MTIF2: variants seen among roughly 807,000 people sequenced by gnomAD.
The protein encoded by MTIF2 is translation initiation factor IF-2, mitochondrial.
MTIF2 carries 71 observed loss-of-function variants against 83.5 expected under a neutral mutation model. That is an observed-to-expected ratio of 0.85 (90% CI 0.70 to 1.04). MTIF2 has a LOEUF of 1.04. Among genes scored for constraint, MTIF2 ranks in the 50% least tolerant of loss-of-function variants. MTIF2 has a pLI of 0.00. For synonymous variants in MTIF2, 319 were observed against 287.1 expected (o/e 1.11, Z -1.12); for missense variants, 957 against 846.5 (o/e 1.13, Z -1.62).
chr2:55,252,419 A>T (rs1003528552), intron 8 of MTIF2, 58 bp downstream of exon 8: 3 of 1,478,516 alleles, frequency 2.0e-6, no homozygotes, highest in Non-Finnish European at 2.8e-6. Flanking sequence ...AGCTATATGT[A>T]AATGGCCCCA....
chr2:55,265,897 C>A (rs1007517158), intron 3 of MTIF2, among the ~76,000 whole-genome samples: 1 of 151,914 alleles, frequency 6.6e-6, no homozygotes, highest in Non-Finnish European at 1.5e-5. Context: ...ATATGTACAC[C>A]TTTTTCCTTG....
chr2:55,267,424 G>GC (rs1678521791), intron 3 of MTIF2, 145 bp downstream of exon 3: 1 of 152,470 alleles, frequency 6.6e-6, no homozygotes, highest in South Asian at 2.1e-4. Flanking sequence ...CTCCCAAAGT[G>GC]CTGGGATTAC....
chr2:55,249,606 T>G, intron 8 of MTIF2, 72 bp from the exon 9 acceptor site: 7 of 1,550,358 alleles, frequency 4.5e-6, no homozygotes, highest in Non-Finnish European at 6.1e-6. Context: ...GTGAAAGACA[T>G]CAACTTTCTG....
intron 10 of MTIF2, among the ~76,000 whole-genome samples, chr2:55,245,294 G>A (rs371954562): frequency 2.6e-5 from 4 of 152,264 alleles, no homozygotes; most frequent in African/African-American, 9.6e-5. Flanking sequence ...GGCTGAGGCG[G>A]TTGGATCACC....
intron 13 of MTIF2, among the ~76,000 whole-genome samples, chr2:55,241,907 G>A (rs1676343591): frequency 6.6e-6 from 1 of 152,078 alleles, no homozygotes; most frequent in Non-Finnish European, 1.5e-5. Flanking sequence ...CAGCACTTTG[G>A]GAGGCCAAAA....
At position 55,249,508 on chromosome 2, in the gene MTIF2, A is replaced by T; in HGVS notation, c.868T>A (p.Cys290Ser). The part of the protein sequence containing the change: ...QVPIILAVNK[C>S]DKAEADPEKV... Reference sequence around the variant, plus strand: ...TCAGGATCAGCCTCAGCTTTGTCACATTTATTTACGGCAAGGATAATAGGA... The same window carrying T: ...TCAGGATCAGCCTCAGCTTTGTCACTTTTATTTACGGCAAGGATAATAGGA... The change falls in exon 9 of 16, where the codon TGT becomes AGT. Residue 290 changes from cysteine to serine, a missense_variant. Cys to Ser is a moderately radical substitution (Grantham distance 112). Around this residue, in one of 3 missense-constraint regions of MTIF2, gnomAD observed 733 missense variants for 648.7 expected, o/e 1.13. Coordinates refer to ENST00000263629, the MANE Select transcript of MTIF2 (RefSeq NM_002453.3). 6.2e-7 allele frequency: 1 copy of T among 1,614,088 alleles called. No homozygotes were observed. Among genetic ancestry groups the T allele is most frequent in the Non-Finnish European group, 8.5e-7 (1 of 1,179,990 alleles).
At chr2:55,257,708 T>C (rs1320425998) in intron 5 of MTIF2, among the ~76,000 whole-genome samples, 2 of 152,320 alleles carry the variant, frequency 1.3e-5, no homozygotes, top group African/African-American at 2.4e-5. Flanking sequence ...TTTTACCATA[T>C]AGATATGACA....
Position 55,240,164 on chromosome 2 carries a change from C to T in MTIF2, c.1717G>A (p.Gly573Ser). The T allele has an allele frequency of 6.2e-7, 1 of 1,611,928 alleles. No homozygotes were observed. The highest frequency in any genetic ancestry group is 1.3e-5 in the African/African-American group (1 of 74,980). Reference protein sequence around the residue: ...LAETFDGVIYGFNVNAGNVIQ... With the variant: ...LAETFDGVIYSFNVNAGNVIQ... ...ACATTGCCTGCATTCACATTAAAGC[C>T]ATATATAACACCTAGCAAACAGAAA... Residue 573 changes from glycine to serine, a missense_variant, in exon 14 of 16, where the codon GGC becomes AGC. Gly to Ser is a moderately conservative substitution (Grantham distance 56). Transcript: ENST00000263629.
rs570473301 is a variant in MTIF2 at position 55,238,067 on chromosome 2, T to A, written c.1871-639A>T. ...TTTCTCTGTTATTTTTTAAAAAAAA[T>A]TTTTATAGATGGGTCACCCAGGCTG... On this transcript the variant is annotated intron_variant, in intron 14 of 15. Transcript: ENST00000263629. Among the ~76,000 whole-genome samples the A allele has an allele frequency of 2.4e-4, 36 of 150,984 alleles. No homozygotes were observed. The South Asian group carries it at 6.9e-3, about 29-fold the overall frequency.
At position 55,254,163 on chromosome 2, in the gene MTIF2, G is replaced by T. The variant is rs757259971; in HGVS notation, c.542C>A (p.Pro181Gln). ...ADPALLTPRSPVVTIMGHVDH... is the reference protein window; with the variant it reads ...ADPALLTPRSQVVTIMGHVDH... ...AACATGGCCCATTATAGTAACAACT[G>T]GGGACCTTGGGGTTAATAAAGCTGG... Residue 181 changes from proline (P) to glutamine (Q), a missense_variant, in exon 7 of 16, where the codon CCA becomes CAA. Pro to Gln is a moderately conservative substitution (Grantham distance 76). Coordinates refer to ENST00000263629, the MANE Select transcript of MTIF2 (RefSeq NM_002453.3). The T allele has an allele frequency of 1.2e-6, 2 of 1,614,038 alleles. No individual in the cohort carries two copies. Among genetic ancestry groups the T allele is most frequent in the Admixed American group, 3.3e-5 (2 of 59,982 alleles).
intron 8 of MTIF2, 97 bp from the exon 9 acceptor site, chr2:55,249,631 T>C: frequency 7.0e-7 from 1 of 1,432,570 alleles, no homozygotes. Flanking sequence ...GGTTTTCTCT[T>C]TATTCAGTGG....
intron 9 of MTIF2, among the ~76,000 whole-genome samples, chr2:55,247,307 A>T (rs1558560413): frequency 1.3e-5 from 2 of 152,234 alleles, no homozygotes; most frequent in Non-Finnish European, 2.9e-5. Context: ...CTGTAATCCC[A>T]GCACTTTGGG....
At chr2:55,253,838 A>T (rs536361674) in intron 7 of MTIF2, among the ~76,000 whole-genome samples, 2 of 149,652 alleles carry the variant, frequency 1.3e-5, no homozygotes, top group East Asian at 4.0e-4. Context: ...AAAAAAAAAA[A>T]GTTAACAGTT....
chr2:55,264,580 A>G (rs1196990647), intron 3 of MTIF2, among the ~76,000 whole-genome samples: 1 of 151,948 alleles, frequency 6.6e-6, no homozygotes, highest in African/African-American at 2.4e-5. Context: ...CTACCTCTCA[A>G]GCTTTTGTTA....
Position 55,263,871 on chromosome 2 carries a change from G to C in MTIF2, c.-7-6C>G, listed in dbSNP as rs776681660. The C allele has an allele frequency of 6.9e-6, 10 of 1,441,552 alleles. No individual in the cohort carries two copies. The Admixed American group carries it at 2.1e-4, about 30-fold the overall frequency. The allele number at this position is 1,441,552 out of a possible 1,614,324, so 89.3% of individuals were successfully genotyped here. ...GCTTCTGGTTCATGTTTCTCCTGGG[G>C]AAAAAAAAAAGGTTTTAAAATAATA... On this transcript the variant is annotated splice_region_variant and splice_polypyrimidine_tract_variant and intron_variant, in intron 3 of 15. Transcript: ENST00000263629.
intron 11 of MTIF2, 66 bp downstream of exon 11, chr2:55,243,963 A>C: frequency 7.7e-7 from 1 of 1,297,118 alleles, no homozygotes; most frequent in Non-Finnish European, 1.1e-6. Flanking sequence ...ATTTGGTATA[A>C]CATTGTAAAC....
In MTIF2 at chr2:55,269,187, G is replaced by A. The variant is rs1189817241; in HGVS notation, c.-255C>T. The A allele has an allele frequency of 6.6e-6, 1 of 152,358 alleles. No homozygotes were observed. The highest frequency in any genetic ancestry group is 1.5e-5 in the Non-Finnish European group (1 of 68,136). 9.4% of individuals were successfully genotyped at this position (152,358 alleles called of 1,614,324 possible). On this transcript the variant is annotated 5_prime_UTR_variant, in exon 1 of 16. Transcript: ENST00000263629. ...CTCCTACCTACAGCCCCGGGCCCCT[G>A]GATTCTGAGCACGGGCGGAGATCAC...
In MTIF2 at chr2:55,243,880, T is replaced by G; in HGVS notation, c.1311+149A>C. The G allele has an allele frequency of 9.9e-6, 9 of 911,092 alleles. No homozygotes were observed. The South Asian group carries it at 1.8e-4, about 18-fold the overall frequency. 56.4% of individuals were successfully genotyped at this position (911,092 alleles called of 1,614,324 possible). A position where few individuals can be genotyped will look rare whatever the true frequency, so the allele number is the denominator to read the frequency against. The stretch of plus-strand genomic sequence containing the variant: ...TATCCCCACCCCCAAAATTCTATAG[T>G]CTAATGCTAAAATAGCACAACTTGC... On this transcript the variant is annotated intron_variant, in intron 11 of 15. Transcript: ENST00000263629.
chr2:55,265,769 T>C (rs993337710), intron 3 of MTIF2, among the ~76,000 whole-genome samples: 6 of 152,332 alleles, frequency 3.9e-5, no homozygotes, highest in African/African-American at 1.2e-4. Flanking sequence ...TATTATTTTA[T>C]ATCATTAAAC....
Sources: allele counts gnomAD v4.1 joint callset (sites outside exome capture counted in the v4.1 genomes callset), GRCh38; gene constraint gnomAD v4.1.1; regional missense constraint gnomAD v4.1.1; transcripts MANE v1.5; gene names NCBI Gene and HGNC (gene_info 2026-07-23, HGNC 2026-07-21).